Variants in PIK3CB observed in about 807,000 individuals in gnomAD.
PIK3CB encodes the protein phosphatidylinositol 4,5-bisphosphate 3-kinase catalytic subunit beta isoform.
PIK3CB carries 39 observed loss-of-function variants against 136.8 expected under a neutral mutation model. That is an observed-to-expected ratio of 0.29 (90% CI 0.22 to 0.37). The LOEUF (loss-of-function observed/expected upper bound fraction) is 0.37. Ranked by LOEUF, PIK3CB falls within the 10% of genes least tolerant of loss-of-function variation. PIK3CB has a pLI of 1.00. For synonymous variants in PIK3CB, 428 were observed against 436.6 expected (o/e 0.98, Z 0.25); for missense variants, 868 against 1,275.4 (o/e 0.68, Z 4.87).
At chr3:138,757,039 A>G (rs1054020771) in intron 3 of PIK3CB, among the ~76,000 whole-genome samples, 1 of 152,196 alleles carries the variant, frequency 6.6e-6, no homozygotes, top group African/African-American at 2.4e-5. Context: ...TAATTCTCCA[A>G]AAAACATACA....
intron 8 of PIK3CB, among the ~76,000 whole-genome samples, chr3:138,732,412 A>G (rs2045001726): frequency 6.6e-6 from 1 of 152,200 alleles, no homozygotes; most frequent in Admixed American, 6.5e-5. Flanking sequence ...CCATGTACAA[A>G]AGCAAGACAT....
chr3:138,827,345 T>C (rs184859280), intron 1 of PIK3CB, among the ~76,000 whole-genome samples: 7 of 152,040 alleles, frequency 4.6e-5, no homozygotes, highest in Admixed American at 1.3e-4. Context: ...TTAACGAAGA[T>C]TGAGAGAGTT....
chr3:138,709,670 T>C (rs11711764), intron 10 of PIK3CB, among the ~76,000 whole-genome samples: 565 of 152,312 alleles, frequency 3.7e-3, no homozygotes, highest in South Asian at 0.012. Context: ...TCATTTATTA[T>C]TTTTTATCAT....
chr3:138,721,523 TA>T (rs2044726335), intron 8 of PIK3CB, among the ~76,000 whole-genome samples: 1 of 152,190 alleles, frequency 6.6e-6, no homozygotes, highest in African/African-American at 2.4e-5. Flanking sequence ...TATATATGTA[TA>T]TACACTTTGA....
chr3:138,815,368 A>AAAAAAAAAAAAAAAAAAAAAAAAAAAC (rs1553743726), intron 1 of PIK3CB, among the ~76,000 whole-genome samples: 1 of 105,906 alleles, frequency 9.4e-6, no homozygotes, highest in Non-Finnish European at 1.9e-5. Flanking sequence ...AAAAAAAAAA[A>AAAAAAAAAAAAAAAAAAAAAAAAAAAC]AAAAAAACTA....
At chr3:138,796,618 G>A (rs1277211718) in intron 1 of PIK3CB, 51 bp from the exon 2 acceptor site, 1 of 151,982 alleles carries the variant, frequency 6.6e-6, no homozygotes, top group Non-Finnish European at 1.5e-5. Context: ...GCTAAATTAA[G>A]TCACGTAAAT....
At chr3:138,811,240 C>CA (rs558228212) in intron 1 of PIK3CB, among the ~76,000 whole-genome samples, 12,715 of 23,374 alleles carry the variant, frequency 0.54, 5,172 homozygotes, top group Non-Finnish European at 0.68. Context: ...AAGACTCTGC[C>CA]AAAAAAAAAA....
At chr3:138,806,331 C>A (rs1559885804) in intron 1 of PIK3CB, among the ~76,000 whole-genome samples, 1 of 151,914 alleles carries the variant, frequency 6.6e-6, no homozygotes, top group African/African-American at 2.4e-5. Context: ...ACTAAAAATA[C>A]AAAAATTAGC....
chr3:138,833,065 G>T (rs891940188), intron 1 of PIK3CB, among the ~76,000 whole-genome samples: 3 of 149,524 alleles, frequency 2.0e-5, no homozygotes, highest in Admixed American at 6.7e-5. Flanking sequence ...GTCTCAAAAA[G>T]ATTTTTTTTT....
intron 5 of PIK3CB, 76 bp from the exon 6 acceptor site, chr3:138,737,962 G>A: frequency 2.4e-6 from 2 of 832,196 alleles, no homozygotes; most frequent in South Asian, 4.0e-5. Context: ...CAATCATTAT[G>A]TAATAATATG....
intron 11 of PIK3CB, among the ~76,000 whole-genome samples, chr3:138,706,102 C>A (rs979466942): frequency 6.6e-6 from 1 of 152,194 alleles, no homozygotes; most frequent in Non-Finnish European, 1.5e-5. Context: ...ATCAACACTA[C>A]CAGGTGCAGT....
chr3:138,728,551 G>A (rs982657296), intron 8 of PIK3CB, among the ~76,000 whole-genome samples: 6 of 152,108 alleles, frequency 3.9e-5, no homozygotes, highest in Non-Finnish European at 7.4e-5. Flanking sequence ...GCCGAGGCGG[G>A]TGGATCATGA....
chr3:138,695,295 T>C (rs966383847), intron 13 of PIK3CB, among the ~76,000 whole-genome samples: 1 of 152,192 alleles, frequency 6.6e-6, no homozygotes, highest in African/African-American at 2.4e-5. Context: ...AGGTATATGA[T>C]ATGTATGCAA....
chr3:138,829,350 G>A (rs1014945125), intron 1 of PIK3CB, among the ~76,000 whole-genome samples: 1 of 152,092 alleles, frequency 6.6e-6, no homozygotes, highest in Non-Finnish European at 1.5e-5. Context: ...TGGAACAGGA[G>A]AATAAGTAAA....
chr3:138,821,969 T>C (rs1384349910), intron 1 of PIK3CB, among the ~76,000 whole-genome samples: 8 of 149,468 alleles, frequency 5.4e-5, no homozygotes, highest in Non-Finnish European at 1.0e-4. Flanking sequence ...CTGAGCAACA[T>C]GGCAAAATCT....
intron 5 of PIK3CB, among the ~76,000 whole-genome samples, chr3:138,739,583 T>C (rs1399531446): frequency 6.6e-6 from 1 of 151,194 alleles, no homozygotes; most frequent in Non-Finnish European, 1.5e-5. Context: ...AGTGCCTTGA[T>C]CTAGTACTTC....
At chr3:138,719,338 C>T (rs912176778) in intron 8 of PIK3CB, among the ~76,000 whole-genome samples, 3 of 143,368 alleles carry the variant, frequency 2.1e-5, no homozygotes, top group African/African-American at 5.1e-5. Flanking sequence ...ATCCATCTCC[C>T]GGGTTCAAGT....
At chr3:138,712,361 A>G (rs2044520878) in intron 9 of PIK3CB, 57 bp from the exon 10 acceptor site, 1 of 703,858 alleles carries the variant, frequency 1.4e-6, no homozygotes, top group Non-Finnish European at 2.4e-6. Flanking sequence ...AGGTGTAAAC[A>G]TGCACATGTC....
At chr3:138,702,777 CATT>C (rs2044282584) in intron 12 of PIK3CB, among the ~76,000 whole-genome samples, 1 of 152,162 alleles carries the variant, frequency 6.6e-6, no homozygotes, top group African/African-American at 2.4e-5. Context: ...CACAAACACA[CATT>C]TTTTTACACT....
Sources: allele counts gnomAD v4.1 joint callset (sites outside exome capture counted in the v4.1 genomes callset), GRCh38; gene constraint gnomAD v4.1.1; transcripts MANE v1.5; gene names NCBI Gene and HGNC (gene_info 2026-07-23, HGNC 2026-07-21).